DST: variants seen among roughly 807,000 people sequenced by gnomAD.
DST encodes bullous pemphigoid antigen.
In DST, 253 loss-of-function variants were observed where a neutral mutation model predicts 875.2. The ratio of observed to expected loss-of-function variants is 0.29; its 90% CI spans 0.26 to 0.32. The LOEUF (loss-of-function observed/expected upper bound fraction) is 0.32, where lower values mean the gene tolerates loss of function less well. DST is among the 10% of genes least tolerant of loss of function. The pLI, the probability that DST is intolerant of heterozygous loss-of-function variation, is 1.00. For missense variants in DST, 8,287 were observed against 9,111.6 expected (o/e 0.91, Z 3.68); for synonymous variants, 3,124 against 3,197.1 (o/e 0.98, Z 0.77).
chr6:56,615,980 T>C, intron 36 of DST: 4 of 1,614,214 alleles, frequency 2.5e-6, no homozygotes, highest in Non-Finnish European at 3.4e-6. Flanking sequence ...CCGGTACTTT[T>C]TGCCAGTAAG....
At chr6:56,487,309 C>T in intron 86 of DST, 36 bp from the exon 87 acceptor site, 1 of 1,516,896 alleles carries the variant, frequency 6.6e-7, no homozygotes, top group South Asian at 1.4e-5. Context: ...CGAATTTCTT[C>T]TTGGGACTAA....
intron 36 of DST, chr6:56,617,897 G>A (rs2098643372): frequency 2.6e-6 from 3 of 1,133,554 alleles, no homozygotes; most frequent in Non-Finnish European, 4.0e-6. Flanking sequence ...ATTCAAAATT[G>A]TTTTAAAAAT....
intron 4 of DST, among the ~76,000 whole-genome samples, chr6:56,827,946 C>T (rs2099782720): frequency 6.6e-6 from 1 of 152,162 alleles, no homozygotes; most frequent in African/African-American, 2.4e-5. Context: ...CACCCCCACA[C>T]ACATACACAG....
intron 23 of DST, among the ~76,000 whole-genome samples, chr6:56,636,326 G>A (rs2098824646): frequency 6.7e-6 from 1 of 149,156 alleles, no homozygotes; most frequent in Non-Finnish European, 1.5e-5. Context: ...GTGTATATAT[G>A]TGTATATATG....
intron 72 of DST, 104 bp from the exon 73 acceptor site, chr6:56,511,504 C>T: frequency 1.1e-6 from 1 of 873,544 alleles, no homozygotes. Flanking sequence ...CCAAACAAAC[C>T]CCTCCCCATC....
At chr6:56,652,683 T>C (rs921311853) in intron 10 of DST, among the ~76,000 whole-genome samples, 5 of 152,362 alleles carry the variant, frequency 3.3e-5, no homozygotes, top group East Asian at 1.9e-4. Context: ...CTTATACTTT[T>C]ATATCACTTT....
chr6:56,689,903 G>C (rs1316000719), intron 9 of DST, among the ~76,000 whole-genome samples: 6 of 152,166 alleles, frequency 3.9e-5, no homozygotes, highest in Non-Finnish European at 5.9e-5. Context: ...TCTGGAAAGA[G>C]CTCAAGGACA....
At chr6:56,706,989 A>T (rs2099343625) in intron 5 of DST, among the ~76,000 whole-genome samples, 3 of 152,216 alleles carry the variant, frequency 2.0e-5, no homozygotes, top group Non-Finnish European at 4.4e-5. Context: ...TGGGCAACAG[A>T]GTGAGATTCT....
At chr6:56,899,496 C>T (rs1793012762) in intron 3 of DST, among the ~76,000 whole-genome samples, 1 of 152,106 alleles carries the variant, frequency 6.6e-6, no homozygotes, top group Non-Finnish European at 1.5e-5. Flanking sequence ...CACAGTTACC[C>T]CCACAGAAGG....
At chr6:56,550,672 G>C (rs1017279064) in intron 61 of DST, among the ~76,000 whole-genome samples, 5 of 152,062 alleles carry the variant, frequency 3.3e-5, no homozygotes, top group African/African-American at 4.8e-5. Flanking sequence ...GAGAAATGAA[G>C]GTCTTTTTTC....
At chr6:56,815,320 T>C (rs942570432) in intron 4 of DST, among the ~76,000 whole-genome samples, 3 of 151,084 alleles carry the variant, frequency 2.0e-5, no homozygotes, top group African/African-American at 7.3e-5. Flanking sequence ...TTTTCTTTTA[T>C]TCATAGTTGC....
At chr6:56,617,236 A>G in intron 36 of DST, 1 of 1,606,828 alleles carries the variant, frequency 6.2e-7, no homozygotes, top group Non-Finnish European at 8.5e-7. Flanking sequence ...AACATGCATG[A>G]TCACCATCAA....
chr6:56,573,962 G>A (rs1187133136), intron 50 of DST, 75 bp from the exon 51 acceptor site: 6 of 1,027,922 alleles, frequency 5.8e-6, no homozygotes, highest in Non-Finnish European at 5.6e-6. Context: ...ACATGAAGGT[G>A]AATCATACAA....
intron 44 of DST, among the ~76,000 whole-genome samples, chr6:56,601,198 G>A (rs1250274107): frequency 2.6e-5 from 4 of 151,976 alleles, no homozygotes; most frequent in Non-Finnish European, 5.9e-5. Context: ...CTTGGGGTGG[G>A]AGGCAATCAA....
At chr6:56,497,297 A>T (rs2095949234) in intron 82 of DST, 82 bp downstream of exon 82, 1 of 1,506,436 alleles carries the variant, frequency 6.6e-7, no homozygotes, top group Admixed American at 1.8e-5. Flanking sequence ...GCCTTCTCCC[A>T]CGATTTATGT....
At chr6:56,723,368 C>G (rs1273120933) in intron 5 of DST, among the ~76,000 whole-genome samples, 1 of 151,966 alleles carries the variant, frequency 6.6e-6, no homozygotes, top group Non-Finnish European at 1.5e-5. Flanking sequence ...GGTTCGAGAC[C>G]AGCCTGAACA....
chr6:56,487,373 T>A, intron 86 of DST, 100 bp from the exon 87 acceptor site: 1 of 1,077,662 alleles, frequency 9.3e-7, no homozygotes, highest in African/African-American at 1.6e-5. Flanking sequence ...AGATGAATTA[T>A]AGATGCTTTC....
At chr6:56,514,959 T>C (rs1195505814) in intron 72 of DST, among the ~76,000 whole-genome samples, 1 of 152,156 alleles carries the variant, frequency 6.6e-6, no homozygotes, top group African/African-American at 2.4e-5. Flanking sequence ...TAATCTGTCT[T>C]TATACTTCAT....
chr6:56,852,594 T>C (rs1765821870), intron 3 of DST, among the ~76,000 whole-genome samples: 1 of 152,234 alleles, frequency 6.6e-6, no homozygotes, highest in African/African-American at 2.4e-5. Flanking sequence ...TGTTGGGTTG[T>C]GTTTGTGATT....
Sources: gnomAD v4.1 joint callset for allele counts (sites outside exome capture counted in the v4.1 genomes callset) on GRCh38, gnomAD v4.1.1 for gene constraint, MANE v1.5 for transcripts, NCBI Gene and HGNC (gene_info 2026-07-23, HGNC 2026-07-21) for gene names.